The following SKIC3 variants were observed in gnomAD, a reference collection of about 807,000 sequenced individuals.
The protein encoded by SKIC3 is superkiller complex protein 3.
chr5:95,522,215 G>C, the SKIC3 span: 1 of 1,613,806 alleles, frequency 6.2e-7, no homozygotes, highest in Non-Finnish European at 8.5e-7. Context: ...GGACTTCAAG[G>C]CTGTTGTGTA....
At chr5:95,464,700 A>G in the SKIC3 span, 1 of 1,594,904 alleles carries the variant, frequency 6.3e-7, no homozygotes, top group Non-Finnish European at 8.6e-7. Flanking sequence ...AATCACATAC[A>G]GGAACGTCAG....
chr5:95,480,883 A>C, the SKIC3 span, among the ~76,000 whole-genome samples: 2 of 152,160 alleles, frequency 1.3e-5, no homozygotes, highest in African/African-American at 4.8e-5. Context: ...GTACTACTCC[A>C]TTGATATGAA....
At chr5:95,530,553 G>A in the SKIC3 span, among the ~76,000 whole-genome samples, 3 of 152,122 alleles carry the variant, frequency 2.0e-5, no homozygotes, top group African/African-American at 7.2e-5. Flanking sequence ...AAATGAAGGA[G>A]CCCTTGTCAA....
the SKIC3 span, chr5:95,464,731 T>TA: frequency 6.7e-7 from 1 of 1,490,430 alleles, no homozygotes; most frequent in Non-Finnish European, 9.3e-7. Context: ...ATTAACAATA[T>TA]CTATATTTTG....
At chr5:95,509,864 T>G in the SKIC3 span, among the ~76,000 whole-genome samples, 1 of 152,246 alleles carries the variant, frequency 6.6e-6, no homozygotes, top group Non-Finnish European at 1.5e-5. Flanking sequence ...TTATTAACTC[T>G]AATTACTGAA....
the SKIC3 span, chr5:95,514,784 T>C: frequency 6.7e-7 from 1 of 1,496,176 alleles, no homozygotes; most frequent in Non-Finnish European, 9.2e-7. Flanking sequence ...ACCATTATTA[T>C]CACTGTTATG....
the SKIC3 span, chr5:95,550,744 A>G: frequency 6.6e-6 from 1 of 152,506 alleles, no homozygotes; most frequent in Non-Finnish European, 1.5e-5. Context: ...ATCAATTTTC[A>G]TAATTCATAA....
chr5:95,513,705 A>G, the SKIC3 span: 1 of 1,506,398 alleles, frequency 6.6e-7, no homozygotes. Flanking sequence ...ATAATAATAC[A>G]AAATGAAACT....
chr5:95,526,159 A>G, the SKIC3 span, among the ~76,000 whole-genome samples: 3 of 152,200 alleles, frequency 2.0e-5, no homozygotes, highest in African/African-American at 7.2e-5. Context: ...TATTTTAACA[A>G]TTTTAAAAAT....
chr5:95,499,932 G>T, the SKIC3 span, among the ~76,000 whole-genome samples: 1 of 151,778 alleles, frequency 6.6e-6, no homozygotes, highest in African/African-American at 2.4e-5. Context: ...TTTAAATAAA[G>T]AAAATCTTAG....
the SKIC3 span, among the ~76,000 whole-genome samples, chr5:95,495,661 C>T: frequency 1.3e-5 from 2 of 152,142 alleles, no homozygotes; most frequent in East Asian, 3.8e-4. Flanking sequence ...AGCCAACTTA[C>T]TCACTAAAAA....
chr5:95,505,941 TAATAAAAGTAAACTTA>T, the SKIC3 span, among the ~76,000 whole-genome samples: 1 of 152,142 alleles, frequency 6.6e-6, no homozygotes, highest in Non-Finnish European at 1.5e-5. Context: ...ATACATTTCA[TAATAAAAGTAAACTTA>T]AAAAAAATCT....
At chr5:95,540,476 T>C in the SKIC3 span, among the ~76,000 whole-genome samples, 2 of 150,486 alleles carry the variant, frequency 1.3e-5, no homozygotes, top group Admixed American at 6.6e-5. Context: ...AAAAACTCCA[T>C]AAAAAGAAAC....
At chr5:95,496,404 G>A in the SKIC3 span, among the ~76,000 whole-genome samples, 1 of 152,140 alleles carries the variant, frequency 6.6e-6, no homozygotes, top group East Asian at 1.9e-4. Context: ...ACAAGGAGGG[G>A]AGTATAGAGG....
chr5:95,512,570 C>CT, the SKIC3 span: 11 of 1,613,888 alleles, frequency 6.8e-6, no homozygotes, highest in Non-Finnish European at 7.6e-6. Context: ...TTGCTTTTAT[C>CT]TTGCAATGTT....
the SKIC3 span, chr5:95,512,381 A>C: frequency 7.1e-7 from 1 of 1,404,082 alleles, no homozygotes; most frequent in Non-Finnish European, 9.8e-7. Flanking sequence ...CTTAAAGAAT[A>C]CCAATATTTA....
At chr5:95,518,319 T>C in the SKIC3 span, among the ~76,000 whole-genome samples, 1 of 152,130 alleles carries the variant, frequency 6.6e-6, no homozygotes, top group Non-Finnish European at 1.5e-5. Flanking sequence ...TTAGGAATGT[T>C]CACTATCCTC....
At chr5:95,469,360 A>G in the SKIC3 span, among the ~76,000 whole-genome samples, 1 of 152,140 alleles carries the variant, frequency 6.6e-6, no homozygotes, top group Admixed American at 6.5e-5. Context: ...CTGCCTTTTC[A>G]ATATTTATTA....
At chr5:95,484,649 A>C in the SKIC3 span, 2 of 1,604,754 alleles carry the variant, frequency 1.2e-6, no homozygotes, top group Non-Finnish European at 1.7e-6. Flanking sequence ...ATCTAGCCTC[A>C]TACATTCCAT....
Sources: gnomAD v4.1 joint callset for allele counts (sites outside exome capture counted in the v4.1 genomes callset) on GRCh38, gnomAD v4.1.1 for gene constraint, MANE v1.5 for transcripts, NCBI Gene and HGNC (gene_info 2026-07-23, HGNC 2026-07-21) for gene names.